The following HIPK2 variants were observed in gnomAD, a reference collection of about 807,000 sequenced individuals.
HIPK2 encodes homeodomain-interacting protein kinase 2.
A neutral mutation model predicts 113.7 loss-of-function variants in HIPK2; 27 were observed. That is an observed-to-expected ratio of 0.24 (90% CI 0.17 to 0.33). The LOEUF (loss-of-function observed/expected upper bound fraction) is 0.33. HIPK2 is among the 10% of genes least tolerant of loss of function. The pLI is 1.00. For missense variants in HIPK2, 1,257 were observed against 1,588.0 expected (o/e 0.79, Z 3.54); for synonymous variants, 631 against 642.2 (o/e 0.98, Z 0.26).
At chr7:139,775,715 T>G (rs920993224) in intron 1 of HIPK2, among the ~76,000 whole-genome samples, 1 of 152,164 alleles carries the variant, frequency 6.6e-6, no homozygotes, top group Non-Finnish European at 1.5e-5. Flanking sequence ...CAGTTCTTTA[T>G]CTGGCGTAAG....
Position 139,573,213 on chromosome 7 carries a change from G to A in HIPK2, c.3311C>T (p.Thr1104Ile). 6.2e-7 allele frequency: 1 copy of A among 1,606,226 alleles called. No individual in the cohort carries two copies. Among genetic ancestry groups the A allele is most frequent in the Non-Finnish European group, 8.5e-7 (1 of 1,179,472 alleles). The change falls in exon 15 of 15, where the codon ACC becomes ATC. Residue 1104 changes from threonine to isoleucine, a missense_variant. Thr to Ile is a moderately conservative substitution (Grantham distance 89). Coordinates refer to ENST00000406875, the MANE Select transcript of HIPK2 (RefSeq NM_022740.5). ...GCCCAGGGCCGCCGGCGCAGTGTAGGTGTAGAGGTGGGGCTGGGTGGGGAG... is the reference window on the plus strand; with the variant it reads ...GCCCAGGGCCGCCGGCGCAGTGTAGATGTAGAGGTGGGGCTGGGTGGGGAG... ...AHLPTQPHLY[T>I]YTAPAALGST... is the part of the protein sequence containing the mutation.
chr7:139,722,072 G>A, intron 1 of HIPK2: 1 of 468,470 alleles, frequency 2.1e-6, no homozygotes, highest in Admixed American at 2.2e-5. Context: ...GATATGCATG[G>A]GGTTCTTACA....
intron 1 of HIPK2, among the ~76,000 whole-genome samples, chr7:139,730,349 T>C (rs946135917): frequency 1.3e-5 from 2 of 151,776 alleles, no homozygotes; most frequent in East Asian, 1.9e-4. Flanking sequence ...ACCATGTCAC[T>C]GCAATTTTTT....
At chr7:139,739,788 T>A (rs1289115428) in intron 1 of HIPK2, among the ~76,000 whole-genome samples, 1 of 152,098 alleles carries the variant, frequency 6.6e-6, no homozygotes, top group Non-Finnish European at 1.5e-5. Context: ...GTTCTAGACA[T>A]TTCATATAAA....
At chr7:139,652,128 C>G (rs1585330065) in intron 2 of HIPK2, among the ~76,000 whole-genome samples, 1 of 152,204 alleles carries the variant, frequency 6.6e-6, no homozygotes, top group Admixed American at 6.5e-5. Context: ...CAGGAATTAA[C>G]TAGCCAAGCA....
At chr7:139,578,836 A>AT (rs1757950587) in intron 13 of HIPK2, among the ~76,000 whole-genome samples, 1 of 151,748 alleles carries the variant, frequency 6.6e-6, no homozygotes. Context: ...AAACCTGGCT[A>AT]TTTTTTGTAT....
chr7:139,630,902 A>C lies in HIPK2; in HGVS notation c.1347+263T>G, dbSNP rs750900287. On this transcript the variant is annotated intron_variant, in intron 4 of 14. Transcript: ENST00000406875. This position sits in a 1 kb window ranked among gnomAD's most constrained non-coding sequence, Gnocchi z 4.0. ...CAGAGTGGGGTTCGTTTCTCTCCCT[A>C]GCACAAATCAGACAGTCATCAAGGC... Among the ~76,000 whole-genome samples, 1 of 152,182 alleles carries C rather than the reference A, an allele frequency of 6.6e-6. No homozygotes were observed. The highest frequency in any genetic ancestry group is 1.5e-5 in the Non-Finnish European group (1 of 68,040).
At chr7:139,741,999 T>C (rs1037127111) in intron 1 of HIPK2, among the ~76,000 whole-genome samples, 3 of 152,200 alleles carry the variant, frequency 2.0e-5, no homozygotes, top group African/African-American at 7.2e-5. Flanking sequence ...ACTGGCAGGA[T>C]TCGCTCCCCC....
intron 6 of HIPK2, 120 bp downstream of exon 6, chr7:139,626,481 C>T (rs1800434597): frequency 9.8e-7 from 1 of 1,020,244 alleles, no homozygotes; most frequent in African/African-American, 1.6e-5. Flanking sequence ...CTGCTTTCAG[C>T]TACAGTGACA....
intron 2 of HIPK2, among the ~76,000 whole-genome samples, chr7:139,638,124 C>T (rs1475355683): frequency 6.6e-6 from 1 of 152,166 alleles, no homozygotes; most frequent in Non-Finnish European, 1.5e-5. Flanking sequence ...TCCACCTTAG[C>T]TCTTATGTTG....
intron 6 of HIPK2, among the ~76,000 whole-genome samples, chr7:139,623,402 C>A (rs1215737817): frequency 1.3e-5 from 2 of 150,814 alleles, no homozygotes; most frequent in African/African-American, 2.4e-5. Context: ...TCCAGCTACT[C>A]GGGAGGCTGA....
At chr7:139,734,355 T>G (rs144183748) in intron 1 of HIPK2, among the ~76,000 whole-genome samples, 1 of 152,322 alleles carries the variant, frequency 6.6e-6, no homozygotes, top group Non-Finnish European at 1.5e-5. Flanking sequence ...GGATCTTCAG[T>G]GACAAATGCT....
At chr7:139,587,574 C>T (rs1798878745) in intron 12 of HIPK2, among the ~76,000 whole-genome samples, 1 of 151,206 alleles carries the variant, frequency 6.6e-6, no homozygotes, top group African/African-American at 2.4e-5. Flanking sequence ...AGTAGAGACA[C>T]CCAGAGGGTG....
At chr7:139,580,922 CA>C (rs1370905446) in intron 13 of HIPK2, among the ~76,000 whole-genome samples, 2 of 151,982 alleles carry the variant, frequency 1.3e-5, no homozygotes, top group African/African-American at 4.8e-5. Flanking sequence ...AGCTGAGGCT[CA>C]AAAAAAGGTG....
chr7:139,694,831 G>T lies in HIPK2; in HGVS notation c.1103+21101C>A, dbSNP rs957984940. ...CTGTTAACCCCAGGACAGGTGACTG[G>T]CAACCATTTATGGGGCAAGGCAATG... On this transcript the variant is annotated intron_variant, in intron 2 of 14. Coordinates refer to ENST00000406875, the MANE Select transcript of HIPK2 (RefSeq NM_022740.5). Among the ~76,000 whole-genome samples the T allele has an allele frequency of 1.4e-4, 22 of 152,310 alleles. No individual in the cohort carries two copies. In the Middle Eastern group the frequency reaches 0.01, roughly 71 times the overall value.
intron 1 of HIPK2, among the ~76,000 whole-genome samples, chr7:139,752,098 C>G (rs1033174547): frequency 2.0e-5 from 3 of 152,212 alleles, no homozygotes; most frequent in Non-Finnish European, 2.9e-5. Context: ...TCAGGCCACT[C>G]ACAACCTTGC....
At chr7:139,634,101 C>A (rs1800719239) in intron 2 of HIPK2, among the ~76,000 whole-genome samples, 1 of 150,536 alleles carries the variant, frequency 6.6e-6, no homozygotes, top group South Asian at 2.1e-4. Context: ...CAGAGCAAGA[C>A]CCTGTCTCAA....
chr7:139,582,807 C>A (rs192450552), intron 13 of HIPK2, among the ~76,000 whole-genome samples: 1 of 152,350 alleles, frequency 6.6e-6, no homozygotes, highest in East Asian at 1.9e-4. Flanking sequence ...CCTCACCGTG[C>A]AGGCTGGCCT....
intron 13 of HIPK2, 126 bp downstream of exon 13, chr7:139,583,691 G>C (rs1798741182): frequency 1.5e-6 from 2 of 1,377,064 alleles, no homozygotes; most frequent in Non-Finnish European, 2.0e-6. Flanking sequence ...CCTCGGTAAG[G>C]GTCGCCTGCA....
Sources: gnomAD v4.1 joint callset for allele counts (sites outside exome capture counted in the v4.1 genomes callset) on GRCh38, gnomAD v4.1.1 for gene constraint, Gnocchi (gnomAD v3.1) non-coding constraint, MANE v1.5 for transcripts, NCBI Gene and HGNC (gene_info 2026-07-23, HGNC 2026-07-21) for gene names.